Variants in AGBL4 observed in about 807,000 individuals in gnomAD.
The protein encoded by AGBL4 is AGBL carboxypeptidase 4, also known as cytosolic carboxypeptidase 6.
AGBL4 carries 58 observed loss-of-function variants against 66.4 expected under a neutral mutation model. That is an observed-to-expected ratio of 0.87 (90% confidence interval 0.71 to 1.09). The LOEUF is 1.09. Ranked by LOEUF, AGBL4 falls within the 50% of genes least tolerant of loss-of-function variation. The pLI is 0.00. For missense variants in AGBL4, 579 were observed against 631.0 expected, an observed-to-expected ratio of 0.92 and a Z score of 0.88; for synonymous variants, 234 against 222.9, an observed-to-expected ratio of 1.05 and a Z score of -0.44.
At chr1:49,062,272 G>A (rs1372558985) in intron 4 of AGBL4, among the ~76,000 whole-genome samples, 4 of 152,032 alleles carry the variant, frequency 2.6e-5, no homozygotes, top group Non-Finnish European at 4.4e-5. Flanking sequence ...ACTTATCTTT[G>A]GTCTCACTTC....
At chr1:49,464,282 G>A (rs1249728394) in intron 3 of AGBL4, among the ~76,000 whole-genome samples, 3 of 151,702 alleles carry the variant, frequency 2.0e-5, no homozygotes, top group East Asian at 1.9e-4. Context: ...GACCTAAATG[G>A]AGATTATTAC....
At chr1:48,987,948 T>C (rs2148973724) in intron 5 of AGBL4, among the ~76,000 whole-genome samples, 1 of 152,242 alleles carries the variant, frequency 6.6e-6, no homozygotes, top group Non-Finnish European at 1.5e-5. Flanking sequence ...GCACTCTTCC[T>C]AGAATGCTCT....
chr1:49,202,023 A>G (rs1373385384), intron 4 of AGBL4, among the ~76,000 whole-genome samples: 1 of 152,142 alleles, frequency 6.6e-6, no homozygotes, highest in Non-Finnish European at 1.5e-5. Context: ...AGAGTACAGT[A>G]ACACTTTAAT....
chr1:49,468,726 G>T (rs1045609850), intron 3 of AGBL4, among the ~76,000 whole-genome samples: 1 of 151,684 alleles, frequency 6.6e-6, no homozygotes, highest in Admixed American at 6.6e-5. Flanking sequence ...GGAATAAATT[G>T]TGTGGAGACC....
chr1:49,890,768 A>G (rs1648565253), intron 1 of AGBL4, among the ~76,000 whole-genome samples: 1 of 152,180 alleles, frequency 6.6e-6, no homozygotes, highest in Non-Finnish European at 1.5e-5. Flanking sequence ...CAAAAACAGA[A>G]AAACATGATC....
At chr1:48,599,694 T>C (rs113433525) in intron 9 of AGBL4, among the ~76,000 whole-genome samples, 198 of 152,310 alleles carry the variant, frequency 1.3e-3, no homozygotes, top group African/African-American at 4.2e-3. Flanking sequence ...GGTGGTTTCA[T>C]GTACAGAAAT....
At chr1:49,830,694 C>G (rs1247056672) in intron 2 of AGBL4, among the ~76,000 whole-genome samples, 1 of 152,126 alleles carries the variant, frequency 6.6e-6, no homozygotes, top group East Asian at 1.9e-4. Context: ...TGCCTATGTC[C>G]TGAATGGTAT....
intron 6 of AGBL4, among the ~76,000 whole-genome samples, chr1:48,673,796 C>A (rs1646315471): frequency 1.3e-5 from 2 of 152,202 alleles, no homozygotes; most frequent in African/African-American, 4.8e-5. Flanking sequence ...GATTCTGAAC[C>A]AACTCCCATA....
intron 4 of AGBL4, among the ~76,000 whole-genome samples, chr1:49,073,627 C>T (rs142274195): frequency 3.3e-5 from 5 of 152,276 alleles, no homozygotes; most frequent in East Asian, 3.9e-4. Flanking sequence ...CTGGAAGCTT[C>T]GTCCCAGAAG....
At chr1:49,724,861 C>T (rs1648896024) in intron 2 of AGBL4, among the ~76,000 whole-genome samples, 1 of 151,944 alleles carries the variant, frequency 6.6e-6, no homozygotes, top group Non-Finnish European at 1.5e-5. Flanking sequence ...CTGAGCACTG[C>T]CAGAATTTTG....
At chr1:49,238,241 T>C (rs987627318) in intron 4 of AGBL4, among the ~76,000 whole-genome samples, 3 of 152,188 alleles carry the variant, frequency 2.0e-5, no homozygotes, top group Non-Finnish European at 4.4e-5. Flanking sequence ...TTGGGATGAT[T>C]TCATCCATTT....
chr1:48,768,241 C>A (rs1423160939), intron 6 of AGBL4, among the ~76,000 whole-genome samples: 2 of 152,074 alleles, frequency 1.3e-5, no homozygotes, highest in Non-Finnish European at 2.9e-5. Context: ...TTGCCTACAC[C>A]CTAAGAGAAT....
chr1:49,497,878 A>G (rs1009910096), intron 3 of AGBL4, among the ~76,000 whole-genome samples: 4 of 152,006 alleles, frequency 2.6e-5, no homozygotes, highest in African/African-American at 9.6e-5. Context: ...TCCCACATGA[A>G]TTTTAAAATT....
Position 49,133,065 on chromosome 1 carries a change from AG to A in AGBL4, c.378-87266del, listed in dbSNP as rs557403696. On this transcript the variant is annotated intron_variant, in intron 4 of 13. Transcript: ENST00000371839. ...CATGGAATATTATGCAGCCATAAAAAGAAAGAGTTCATGTCCTTTGCAGGGA... is the reference window on the plus strand; with the variant it reads ...CATGGAATATTATGCAGCCATAAAAAAAAGAGTTCATGTCCTTTGCAGGGA... Among the ~76,000 whole-genome samples, 110 of 152,348 alleles carry A rather than the reference AG, an allele frequency of 7.2e-4. 1 individual carries two copies. In the East Asian group the frequency reaches 0.017, roughly 24 times the overall value.
rs560599696 is a variant in AGBL4 at position 49,006,115 on chromosome 1, C to T, written c.594+39469G>A. Among the ~76,000 whole-genome samples, 116 of 152,198 alleles carry T rather than the reference C, an allele frequency of 7.6e-4. 1 individual carries two copies. Among genetic ancestry groups the T allele is most frequent in the African/African-American group, 2.6e-3 (109 of 41,536 alleles). On this transcript the variant is annotated intron_variant, in intron 5 of 13. Coordinates refer to ENST00000371839, the MANE Select transcript of AGBL4 (RefSeq NM_032785.4). Reference sequence around the variant, plus strand: ...ATTTCTGCATTTCCATCTGAGGTACCGGGTTCATCTCACTAGGGAGTGCCA... The same window carrying T: ...ATTTCTGCATTTCCATCTGAGGTACTGGGTTCATCTCACTAGGGAGTGCCA...
At chr1:49,844,560 A>T (rs1427802866) in intron 2 of AGBL4, 30 of 789,260 alleles carry the variant, frequency 3.8e-5, no homozygotes, top group Non-Finnish European at 5.4e-5. Flanking sequence ...TATATTTTTA[A>T]ATAGTCAAAG....
chr1:49,117,242 T>G (rs978594878), intron 4 of AGBL4, among the ~76,000 whole-genome samples: 2 of 152,200 alleles, frequency 1.3e-5, no homozygotes, highest in African/African-American at 4.8e-5. Context: ...CATTTGTCTA[T>G]TTTAGCTTTT....
At chr1:49,110,531 C>T (rs576980514) in intron 4 of AGBL4, among the ~76,000 whole-genome samples, 19 of 152,222 alleles carry the variant, frequency 1.2e-4, no homozygotes, top group Admixed American at 1.2e-3. Flanking sequence ...TAGAAACATG[C>T]CTATGTCTTT....
At position 48,824,667 on chromosome 1, in the gene AGBL4, GGAA is replaced by G. The variant is rs1268410557; in HGVS notation, c.634+42521_634+42523del. ...CCAAAGGAACAAACAAGATCCCAGT[GGAA>G]GAAGAACAACTAGGGGTAAAAAGGC... On this transcript the variant is annotated intron_variant, in intron 6 of 13. Coordinates refer to ENST00000371839, the MANE Select transcript of AGBL4 (RefSeq NM_032785.4). Among the ~76,000 whole-genome samples the G allele has an allele frequency of 1.8e-4, 27 of 152,246 alleles. No individual in the cohort carries two copies. In the East Asian group the frequency reaches 3.5e-3, roughly 20 times the overall value.
Sources: allele counts gnomAD v4.1 joint callset (sites outside exome capture counted in the v4.1 genomes callset), GRCh38; gene constraint gnomAD v4.1.1; transcripts MANE v1.5; gene names NCBI Gene and HGNC (gene_info 2026-07-23, HGNC 2026-07-21).